Variants in NEK10 observed in about 807,000 individuals in gnomAD.
The protein encoded by NEK10 is serine/threonine-protein kinase Nek10.
In NEK10, 122 loss-of-function variants were observed where a neutral mutation model predicts 159.8. That is an observed-to-expected ratio of 0.76 (90% CI 0.66 to 0.89). The LOEUF is 0.89. Ranked by LOEUF, NEK10 falls within the 40% of genes least tolerant of loss-of-function variation. NEK10 has a pLI of 0.00. For missense variants in NEK10, 1,342 were observed against 1,323.1 expected (o/e 1.01, Z -0.22); for synonymous variants, 466 against 457.1 (o/e 1.02, Z -0.25).
At chr3:27,297,994 A>G (rs1264234676) in intron 13 of NEK10, among the ~76,000 whole-genome samples, 1 of 152,248 alleles carries the variant, frequency 6.6e-6, no homozygotes, top group Middle Eastern at 3.2e-3. Context: ...CATGATTATC[A>G]TCACCATTTT....
At chr3:27,238,690 CAAATA>C (rs1954218652) in intron 23 of NEK10, among the ~76,000 whole-genome samples, 1 of 150,928 alleles carries the variant, frequency 6.6e-6, no homozygotes, top group Non-Finnish European at 1.5e-5. Context: ...TCTGGGTCAA[CAAATA>C]CATTACTGTA....
At chr3:27,132,022 C>A (rs772316619) in intron 31 of NEK10, 32 bp from the exon 32 acceptor site, 3 of 1,311,272 alleles carry the variant, frequency 2.3e-6, no homozygotes, top group South Asian at 2.4e-5. Context: ...TCATTATAAA[C>A]AAATTGTTAA....
At chr3:27,316,813 GAC>G (rs2045230864) in intron 6 of NEK10, among the ~76,000 whole-genome samples, 1 of 151,850 alleles carries the variant, frequency 6.6e-6, no homozygotes, top group South Asian at 2.1e-4. Context: ...AAGAGAGAGA[GAC>G]AGAGAGAAAG....
intron 26 of NEK10, among the ~76,000 whole-genome samples, chr3:27,182,054 CTT>C (rs1182704056): frequency 6.6e-6 from 1 of 151,974 alleles, no homozygotes; most frequent in Non-Finnish European, 1.5e-5. Flanking sequence ...TGTTTTGAGA[CTT>C]ATTAAAAAGC....
chr3:27,162,275 G>C (rs933305881), intron 30 of NEK10: 5 of 1,063,720 alleles, frequency 4.7e-6, no homozygotes, highest in Non-Finnish European at 6.5e-6. Flanking sequence ...TCAACCAACA[G>C]TGAACACAGA....
rs147304210 is a variant in NEK10, at chr3:27,131,006, A to C, written c.3081+874T>G. ...GTGATGTGAAACAACAAAGCTAAAGAATGTTGTTTGCATTTCTTATCAAAG... is the reference window on the plus strand; with the variant it reads ...GTGATGTGAAACAACAAAGCTAAAGCATGTTGTTTGCATTTCTTATCAAAG... On this transcript the variant is annotated intron_variant, in intron 32 of 35. Transcript: ENST00000691995. Among the ~76,000 whole-genome samples the C allele has an allele frequency of 4.2e-3, 635 of 152,288 alleles. 5 individuals are homozygous for C. Among genetic ancestry groups the C allele is most frequent in the African/African-American group, 0.015 (604 of 41,560 alleles).
At chr3:27,286,019 T>C (rs183795418) in intron 20 of NEK10, among the ~76,000 whole-genome samples, 10 of 151,930 alleles carry the variant, frequency 6.6e-5, no homozygotes, top group African/African-American at 2.4e-4. Flanking sequence ...TCATTCCTCT[T>C]TATTGCAATT....
At chr3:27,187,236 G>A (rs576507932) in intron 26 of NEK10, among the ~76,000 whole-genome samples, 6 of 152,200 alleles carry the variant, frequency 3.9e-5, no homozygotes, top group African/African-American at 1.4e-4. Context: ...CTCTCTCATC[G>A]ACATGGGGAT....
chr3:27,145,875 G>A (rs1575495608), intron 30 of NEK10, among the ~76,000 whole-genome samples: 1 of 152,034 alleles, frequency 6.6e-6, no homozygotes, highest in Non-Finnish European at 1.5e-5. Context: ...GGTCCTAAGG[G>A]CGGAGGCCTC....
intron 3 of NEK10, among the ~76,000 whole-genome samples, chr3:27,350,760 C>A (rs2047912364): frequency 6.6e-6 from 1 of 152,058 alleles, no homozygotes; most frequent in Non-Finnish European, 1.5e-5. Context: ...TGTTATCAAG[C>A]AAGCGGTGTT....
chr3:27,205,229 C>A (rs185980199), intron 23 of NEK10, among the ~76,000 whole-genome samples: 20 of 150,032 alleles, frequency 1.3e-4, no homozygotes, highest in African/African-American at 4.4e-4. Context: ...AATGGATAAA[C>A]ATTCCATGCT....
intron 23 of NEK10, among the ~76,000 whole-genome samples, chr3:27,246,594 AT>A (rs1459344743): frequency 3.3e-5 from 5 of 152,066 alleles, no homozygotes; most frequent in African/African-American, 7.3e-5. Context: ...GTATAATTAA[AT>A]TTTTTTAACT....
intron 23 of NEK10, among the ~76,000 whole-genome samples, chr3:27,203,452 A>G (rs1295105653): frequency 6.6e-6 from 1 of 152,166 alleles, no homozygotes; most frequent in African/African-American, 2.4e-5. Context: ...TCATGAATCT[A>G]TTTTTTAATT....
chr3:27,264,123 G>T (rs11129278), intron 22 of NEK10, among the ~76,000 whole-genome samples: 1 of 151,880 alleles, frequency 6.6e-6, no homozygotes, highest in African/African-American at 2.4e-5. Flanking sequence ...TATTAATCTG[G>T]GGTTGCTTGA....
intron 23 of NEK10, among the ~76,000 whole-genome samples, chr3:27,248,798 A>G (rs759350199): frequency 1.3e-5 from 2 of 152,158 alleles, no homozygotes; most frequent in Non-Finnish European, 2.9e-5. Flanking sequence ...CTTGAGAATA[A>G]TTCATGTGCT....
At chr3:27,219,986 C>G (rs1951924734) in intron 23 of NEK10, among the ~76,000 whole-genome samples, 1 of 152,030 alleles carries the variant, frequency 6.6e-6, no homozygotes. Context: ...TTCAAAAAAA[C>G]CCAAAACTTA....
At chr3:27,238,250 A>G (rs561696191) in intron 23 of NEK10, among the ~76,000 whole-genome samples, 1 of 152,342 alleles carries the variant, frequency 6.6e-6, no homozygotes, top group South Asian at 2.1e-4. Flanking sequence ...TCCAGATATT[A>G]AAACTGAAGC....
At chr3:27,248,011 T>C (rs1955261207) in intron 23 of NEK10, among the ~76,000 whole-genome samples, 1 of 152,052 alleles carries the variant, frequency 6.6e-6, no homozygotes, top group African/African-American at 2.4e-5. Flanking sequence ...CAGGTTTTCT[T>C]TACTGGGAGA....
In NEK10 at chr3:27,184,399, C is replaced by T. The variant is rs760619242; in HGVS notation, c.2505+7630G>A. Among the ~76,000 whole-genome samples, 4 of 152,194 alleles carry T rather than the reference C, an allele frequency of 2.6e-5. No individual in the cohort carries two copies. The South Asian group carries it at 8.3e-4, about 32-fold the overall frequency. On this transcript the variant is annotated intron_variant, in intron 26 of 35. Coordinates refer to ENST00000691995, the MANE Select transcript of NEK10 (RefSeq NM_001394966.1). ...TATAGTGACAGAAATCACCAGTCTA[C>T]GTCCTGGGGCAGAGAATTGTATAGA...
Sources: allele counts gnomAD v4.1 joint callset (sites outside exome capture counted in the v4.1 genomes callset), GRCh38; gene constraint gnomAD v4.1.1; transcripts MANE v1.5; gene names NCBI Gene and HGNC (gene_info 2026-07-23, HGNC 2026-07-21).